PPM1H: variants seen among roughly 807,000 people sequenced by gnomAD.
PPM1H encodes protein phosphatase 1H.
Under a neutral mutation model 54.9 loss-of-function variants are expected in PPM1H, and 27 were observed. That is an observed-to-expected ratio of 0.49 (90% CI 0.36 to 0.68). The LOEUF (loss-of-function observed/expected upper bound fraction) is 0.68. Ranked by LOEUF, PPM1H falls within the 30% of genes least tolerant of loss-of-function variation. The pLI, the probability that PPM1H is intolerant of heterozygous loss-of-function variation, is 0.00. For synonymous variants in PPM1H, 305 were observed against 270.8 expected (o/e 1.13, Z -1.24); for missense variants, 596 against 667.8 (o/e 0.89, Z 1.19).
At chr12:62,715,154 G>C (rs1393036110) in intron 6 of PPM1H, among the ~76,000 whole-genome samples, 1 of 152,234 alleles carries the variant, frequency 6.6e-6, no homozygotes, top group Non-Finnish European at 1.5e-5. Context: ...GTAAATTATG[G>C]CCTGAGACAT....
chr12:62,743,151 G>C (rs2076391603), intron 4 of PPM1H, among the ~76,000 whole-genome samples: 1 of 152,120 alleles, frequency 6.6e-6, no homozygotes. Flanking sequence ...AGGAGTTTGA[G>C]ACAAGCCTGG....
intron 2 of PPM1H, among the ~76,000 whole-genome samples, chr12:62,824,836 C>T (rs1193724289): frequency 6.6e-6 from 1 of 152,130 alleles, no homozygotes; most frequent in Non-Finnish European, 1.5e-5. Flanking sequence ...AGGACATAGG[C>T]ATGGGCAAGG....
chr12:62,927,442 C>T (rs943083271), intron 1 of PPM1H, among the ~76,000 whole-genome samples: 3 of 151,928 alleles, frequency 2.0e-5, no homozygotes, highest in African/African-American at 7.3e-5. Flanking sequence ...GGTGGATCAC[C>T]TGAGGTCAGG....
chr12:62,847,534 A>T (rs1399496351), intron 1 of PPM1H, among the ~76,000 whole-genome samples: 9 of 152,210 alleles, frequency 5.9e-5, no homozygotes, highest in African/African-American at 2.4e-5. Flanking sequence ...GGGAGAAATT[A>T]TAATTCAGGG....
intron 2 of PPM1H, among the ~76,000 whole-genome samples, chr12:62,820,596 G>T (rs1212725473): frequency 2.6e-5 from 4 of 152,192 alleles, no homozygotes; most frequent in Non-Finnish European, 4.4e-5. Flanking sequence ...TTGCGGTTCT[G>T]CAGCCTCCGC....
intron 5 of PPM1H, among the ~76,000 whole-genome samples, chr12:62,737,217 T>TAAAAAAAAAAAAAAAAAA (rs111659461): frequency 7.4e-6 from 1 of 134,310 alleles, no homozygotes; most frequent in African/African-American, 2.8e-5. Context: ...AAGAAGCCAT[T>TAAAAAAAAAAAAAAAAAA]AAAAAAAAAA....
intron 1 of PPM1H, among the ~76,000 whole-genome samples, chr12:62,861,673 C>T (rs372980976): frequency 1.3e-5 from 2 of 152,194 alleles, no homozygotes; most frequent in South Asian, 2.1e-4. Flanking sequence ...GAAACGAACC[C>T]TCACCGCTAA....
intron 4 of PPM1H, among the ~76,000 whole-genome samples, chr12:62,769,939 T>C (rs1021562372): frequency 6.6e-6 from 1 of 152,334 alleles, no homozygotes; most frequent in Non-Finnish European, 1.5e-5. Context: ...TCTATTCATC[T>C]GGGGCTCAGT....
chr12:62,718,275 A>G (rs1017284068), intron 6 of PPM1H, among the ~76,000 whole-genome samples: 6 of 152,098 alleles, frequency 3.9e-5, no homozygotes, highest in Non-Finnish European at 7.4e-5. Flanking sequence ...GGCCTAAATC[A>G]TTTAGTTTCT....
Position 62,869,959 on chromosome 12 carries a change from ATC to A in PPM1H, c.246-37682_246-37681del, listed in dbSNP as rs202124792. Among the ~76,000 whole-genome samples, 548 of 152,204 alleles carry A rather than the reference ATC, an allele frequency of 3.6e-3. 7 individuals carry two copies. Among genetic ancestry groups the A allele is most frequent in the African/African-American group, 0.013 (525 of 41,524 alleles). On this transcript the variant is annotated intron_variant, in intron 1 of 9. Transcript: ENST00000228705. ...CAGAGAGAGGCCTTCCCAATCCTTC[ATC>A]GAGGAGCAGGACCATGTTTAGATGC...
intron 8 of PPM1H, among the ~76,000 whole-genome samples, chr12:62,686,851 T>C (rs2076055253): frequency 6.6e-6 from 1 of 151,856 alleles, no homozygotes; most frequent in Non-Finnish European, 1.5e-5. Context: ...ACATGTACTA[T>C]GGATGCCAGC....
chr12:62,870,504 G>C (rs1869937694), intron 1 of PPM1H, among the ~76,000 whole-genome samples: 1 of 152,158 alleles, frequency 6.6e-6, no homozygotes, highest in African/African-American at 2.4e-5. Context: ...CAGCGGAAAT[G>C]GGTGGAAATG....
At chr12:62,919,427 C>T (rs13378081) in intron 1 of PPM1H, among the ~76,000 whole-genome samples, 1 of 134,600 alleles carries the variant, frequency 7.4e-6, no homozygotes, top group African/African-American at 2.8e-5. Flanking sequence ...TTAAATGTTG[C>T]GGGGTGGGGG....
chr12:62,813,141 CT>C (rs1194198424), intron 2 of PPM1H, among the ~76,000 whole-genome samples: 1 of 152,088 alleles, frequency 6.6e-6, no homozygotes, highest in East Asian at 1.9e-4. Flanking sequence ...CAGACGTTTC[CT>C]GTGGAGACCA....
chr12:62,694,675 C>T (rs4763026), intron 6 of PPM1H, among the ~76,000 whole-genome samples: 3 of 152,044 alleles, frequency 2.0e-5, no homozygotes, highest in Non-Finnish European at 2.9e-5. Context: ...TTGCTTATAA[C>T]CAAGTTAAAA....
intron 6 of PPM1H, among the ~76,000 whole-genome samples, chr12:62,702,459 G>A (rs1469300177): frequency 6.6e-6 from 1 of 151,688 alleles, no homozygotes; most frequent in Non-Finnish European, 1.5e-5. Flanking sequence ...CCATGGGCCA[G>A]GAACCTAGAG....
intron 4 of PPM1H, among the ~76,000 whole-genome samples, chr12:62,754,878 A>C (rs2076462103): frequency 6.6e-6 from 1 of 152,218 alleles, no homozygotes; most frequent in Non-Finnish European, 1.5e-5. Context: ...TCCATGAGAC[A>C]CTTGTTGTGA....
intron 8 of PPM1H, among the ~76,000 whole-genome samples, chr12:62,683,033 TTTATTA>T (rs71086626): frequency 0.13 from 17,273 of 133,394 alleles, 1,081 homozygotes; most frequent in Middle Eastern, 0.17. Flanking sequence ...GAGTTTATTA[TTTATTA>T]TTATTATTAT....
At chr12:62,778,531 C>T (rs913577164) in intron 4 of PPM1H, among the ~76,000 whole-genome samples, 1 of 152,206 alleles carries the variant, frequency 6.6e-6, no homozygotes, top group Non-Finnish European at 1.5e-5. Flanking sequence ...TTAAAAATGA[C>T]AGAGCCTCCT....
Sources: allele counts gnomAD v4.1 joint callset (sites outside exome capture counted in the v4.1 genomes callset), GRCh38; gene constraint gnomAD v4.1.1; transcripts MANE v1.5; gene names NCBI Gene and HGNC (gene_info 2026-07-23, HGNC 2026-07-21).